The following SH3BGRL2 variants were observed in gnomAD, a reference collection of about 807,000 sequenced individuals.
SH3BGRL2 encodes SH3 domain-binding glutamic acid-rich-like protein 2.
SH3BGRL2 carries 21 observed loss-of-function variants against 14.8 expected under a neutral mutation model. The observed-to-expected ratio is 1.42, with a 90% confidence interval of 1.01 to 2.05. The LOEUF (loss-of-function observed/expected upper bound fraction) is 2.05, where lower values mean the gene tolerates loss of function less well. Among genes scored for constraint, SH3BGRL2 ranks in the 30% most tolerant of loss-of-function variants. The probability of loss-of-function intolerance (pLI) is 0.00; values close to 1 mark genes in which losing one functional copy is unlikely to be tolerated. For synonymous variants in SH3BGRL2, 50 were observed against 47.8 expected (o/e 1.05, Z -0.19); for missense variants, 147 against 130.8 (o/e 1.12, Z -0.61).
chr6:79,699,492 T>TA lies in SH3BGRL2; in HGVS notation c.313-6_313-5insA. 1.4e-6 allele frequency: 2 copies of TA among 1,471,338 alleles called. No homozygotes were observed. Among genetic ancestry groups the TA allele is most frequent in the African/African-American group, 1.5e-5 (1 of 65,414 alleles). 91.1% of individuals were successfully genotyped at this position (1,471,338 alleles called of 1,614,324 possible). A position where few individuals can be genotyped will look rare whatever the true frequency, so the allele number is the denominator to read the frequency against. On this transcript the variant is annotated splice_polypyrimidine_tract_variant and splice_region_variant and intron_variant, in intron 3 of 3. Transcript: ENST00000369838. The stretch of plus-strand genomic sequence containing the variant: ...TTTTTTTTTTTTTTTTTTTTTTTTT[T>TA]TATAGGCAGAACCTTAGAGAAGAAG...
chr6:79,670,315 G>C (rs983061090), intron 1 of SH3BGRL2, among the ~76,000 whole-genome samples: 2 of 152,350 alleles, frequency 1.3e-5, no homozygotes, highest in Admixed American at 6.5e-5. Context: ...AAGGGATTCT[G>C]TGTTCCCTTT....
At chr6:79,634,529 AC>A (rs1768885733) in intron 1 of SH3BGRL2, among the ~76,000 whole-genome samples, 1 of 152,236 alleles carries the variant, frequency 6.6e-6, no homozygotes, top group Non-Finnish European at 1.5e-5. Flanking sequence ...TGTGAATATG[AC>A]TTTTTACTTT....
At chr6:79,668,801 C>G (rs1210610378) in intron 1 of SH3BGRL2, among the ~76,000 whole-genome samples, 1 of 152,162 alleles carries the variant, frequency 6.6e-6, no homozygotes, top group Non-Finnish European at 1.5e-5. Context: ...TTTAAACATG[C>G]AACCACATAC....
chr6:79,666,397 G>T (rs1218210781), intron 1 of SH3BGRL2, among the ~76,000 whole-genome samples: 2 of 152,212 alleles, frequency 1.3e-5, no homozygotes, highest in African/African-American at 2.4e-5. Context: ...TAGTTTTTTA[G>T]ACTTCACAGG....
At chr6:79,610,335 T>G in the SH3BGRL2 span, among the ~76,000 whole-genome samples, 4 of 152,212 alleles carry the variant, frequency 2.6e-5, no homozygotes, top group African/African-American at 9.6e-5. Context: ...GTGCCATTGT[T>G]TAGAGTCAAA....
chr6:79,589,206 A>ATATTTTT, the SH3BGRL2 span, among the ~76,000 whole-genome samples: 1 of 141,434 alleles, frequency 7.1e-6, no homozygotes, highest in Non-Finnish European at 1.5e-5. Context: ...ATATATATAT[A>ATATTTTT]TTTTTTTTTT....
the SH3BGRL2 span, among the ~76,000 whole-genome samples, chr6:79,548,138 G>A: frequency 6.6e-6 from 1 of 151,920 alleles, no homozygotes; most frequent in Non-Finnish European, 1.5e-5. Context: ...CAAAGTGCTG[G>A]GATTATAAGC....
chr6:79,543,706 C>G, the SH3BGRL2 span, among the ~76,000 whole-genome samples: 1 of 152,186 alleles, frequency 6.6e-6, no homozygotes, highest in Non-Finnish European at 1.5e-5. Context: ...AACTGTCTCT[C>G]TGTTGAAGGA....
the SH3BGRL2 span, among the ~76,000 whole-genome samples, chr6:79,619,232 C>G: frequency 3.3e-5 from 5 of 152,052 alleles, no homozygotes; most frequent in African/African-American, 7.2e-5. Flanking sequence ...TATTTTGTCT[C>G]TTTTTGTTTG....
chr6:79,694,665 C>T (rs1294095369), intron 2 of SH3BGRL2, among the ~76,000 whole-genome samples: 1 of 152,104 alleles, frequency 6.6e-6, no homozygotes, highest in Non-Finnish European at 1.5e-5. Context: ...TGAACTCCAA[C>T]CTTCCCTTCA....
At chr6:79,603,916 T>C in the SH3BGRL2 span, among the ~76,000 whole-genome samples, 261 of 152,280 alleles carry the variant, frequency 1.7e-3, no homozygotes, top group African/African-American at 5.8e-3. Flanking sequence ...GCAATTCTCC[T>C]GCCTCACCCT....
At chr6:79,655,900 A>ATG (rs1409847120) in intron 1 of SH3BGRL2, among the ~76,000 whole-genome samples, 3 of 152,184 alleles carry the variant, frequency 2.0e-5, no homozygotes, top group African/African-American at 7.2e-5. Flanking sequence ...CAAGCCCTCC[A>ATG]GGTGACCCAG....
chr6:79,667,602 A>G (rs1769685962), intron 1 of SH3BGRL2, among the ~76,000 whole-genome samples: 1 of 152,050 alleles, frequency 6.6e-6, no homozygotes, highest in Non-Finnish European at 1.5e-5. Context: ...ACATGCCATG[A>G]CAGCCAGCTA....
chr6:79,650,583 G>A (rs1013110371), intron 1 of SH3BGRL2, among the ~76,000 whole-genome samples: 5 of 152,108 alleles, frequency 3.3e-5, no homozygotes, highest in Non-Finnish European at 5.9e-5. Context: ...GAGAGAGGAA[G>A]GACATGAGAG....
At chr6:79,692,533 A>G (rs1474989667) in intron 2 of SH3BGRL2, among the ~76,000 whole-genome samples, 2 of 152,278 alleles carry the variant, frequency 1.3e-5, no homozygotes, top group African/African-American at 2.4e-5. Context: ...TAATTTTTGT[A>G]TAAGGTGTAA....
At chr6:79,645,809 A>G (rs1227711844) in intron 1 of SH3BGRL2, among the ~76,000 whole-genome samples, 2 of 152,084 alleles carry the variant, frequency 1.3e-5, no homozygotes, top group East Asian at 3.9e-4. Context: ...TGAATATTTG[A>G]TTCTTTGGAG....
the SH3BGRL2 span, among the ~76,000 whole-genome samples, chr6:79,586,352 A>G: frequency 6.6e-6 from 1 of 151,140 alleles, no homozygotes; most frequent in South Asian, 2.1e-4. Flanking sequence ...AAAAGCAGAA[A>G]CACCTCTGCT....
At chr6:79,623,672 G>T in the SH3BGRL2 span, among the ~76,000 whole-genome samples, 1 of 152,122 alleles carries the variant, frequency 6.6e-6, no homozygotes, top group Non-Finnish European at 1.5e-5. Flanking sequence ...TCTCATCTCT[G>T]ATTTTACTTT....
At chr6:79,605,137 A>G in the SH3BGRL2 span, among the ~76,000 whole-genome samples, 2 of 152,068 alleles carry the variant, frequency 1.3e-5, no homozygotes, top group African/African-American at 4.8e-5. Flanking sequence ...CTGTTTTCAC[A>G]CTCTTGAAAT....
Sources: gnomAD v4.1 joint callset for allele counts (sites outside exome capture counted in the v4.1 genomes callset) on GRCh38, gnomAD v4.1.1 for gene constraint, MANE v1.5 for transcripts, NCBI Gene and HGNC (gene_info 2026-07-23, HGNC 2026-07-21) for gene names.